The following ZNF33B variants were observed in gnomAD, a reference collection of about 807,000 sequenced individuals.
ZNF33B encodes the protein zinc finger protein 11b (KOX 2).
A neutral mutation model predicts 45.8 loss-of-function variants in ZNF33B; 29 were observed. That is an observed-to-expected ratio of 0.63 (90% confidence interval 0.47 to 0.86). ZNF33B has a LOEUF of 0.86. Among genes scored for constraint, ZNF33B ranks in the 40% least tolerant of loss-of-function variants. The probability of loss-of-function intolerance (pLI) is 0.00; values close to 1 mark genes in which losing one functional copy is unlikely to be tolerated. For missense variants in ZNF33B, 831 were observed against 909.9 expected, an observed-to-expected ratio of 0.91 and a Z score of 1.12; for synonymous variants, 305 against 307.8, an observed-to-expected ratio of 0.99 and a Z score of 0.10.
At position 42,591,221 on chromosome 10, in the gene ZNF33B, C is replaced by G. The variant is rs1479279121; in HGVS notation, c.*1392G>C. The G allele has an allele frequency of 1.6e-5, 14 of 894,670 alleles. No individual in the cohort carries two copies. The highest frequency in any genetic ancestry group is 1.5e-5 in the Non-Finnish European group (11 of 747,834). The allele number at this position is 894,670 out of a possible 1,614,324, so 55.4% of individuals were successfully genotyped here. A position where few individuals can be genotyped will look rare whatever the true frequency, so the allele number is the denominator to read the frequency against. On this transcript the variant is annotated 3_prime_UTR_variant, in exon 5 of 5. Transcript: ENST00000359467. Reference sequence around the variant, plus strand: ...ATGACAGTCCAACAGCCCTGGGCAGCAACTGGGCTGTATGTGTGGGCCTCT... The same window carrying G: ...ATGACAGTCCAACAGCCCTGGGCAGGAACTGGGCTGTATGTGTGGGCCTCT...
At chr10:42,618,132 G>C (rs1838407622) in intron 4 of ZNF33B, among the ~76,000 whole-genome samples, 1 of 152,124 alleles carries the variant, frequency 6.6e-6, no homozygotes. Context: ...TACCAGTTTT[G>C]ATACCTAAAC....
At chr10:42,635,223 AGAGT>A (rs1179156236) in intron 2 of ZNF33B, among the ~76,000 whole-genome samples, 1 of 151,270 alleles carries the variant, frequency 6.6e-6, no homozygotes, top group Non-Finnish European at 1.5e-5. Context: ...CCTGAGTGAC[AGAGT>A]GAGACATTCT....
intron 4 of ZNF33B, among the ~76,000 whole-genome samples, chr10:42,604,965 T>C (rs1837777460): frequency 6.8e-6 from 1 of 147,720 alleles, no homozygotes; most frequent in Non-Finnish European, 1.5e-5. Context: ...GCTGGCAAAA[T>C]AATCAGTAAA....
chr10:42,581,764 A>G (rs1836829836), intron 1 of ZNF33B: 1 of 152,196 alleles, frequency 6.6e-6, no homozygotes, highest in Non-Finnish European at 1.5e-5. Context: ...GTCTTTTAGG[A>G]TAGAATCCTT....
At position 42,635,553 on chromosome 10, in the gene ZNF33B, T is replaced by C. The variant is rs942014439; in HGVS notation, c.9+1367A>G. Among the ~76,000 whole-genome samples, 45 of 152,252 alleles carry C rather than the reference T, an allele frequency of 3.0e-4. 1 individual carries two copies. The highest frequency in any genetic ancestry group is 1.1e-3 in the African/African-American group (45 of 41,560). On this transcript the variant is annotated intron_variant, in intron 2 of 4. Coordinates refer to ENST00000359467, the MANE Select transcript of ZNF33B (RefSeq NM_006955.3). ...ATAAGATTCATTAAAAATTAAAATA[T>C]GTAATCCCAGCACTTTGGGAGGCCG...
chr10:42,626,137 T>C (rs752157900), intron 4 of ZNF33B, among the ~76,000 whole-genome samples: 11 of 152,386 alleles, frequency 7.2e-5, no homozygotes, highest in Non-Finnish European at 1.6e-4. Context: ...ACTGATGTTA[T>C]ATCATTTTTC....
rs192524478 is a variant in ZNF33B at position 42,602,870 on chromosome 10, C to T, written c.251-8171G>A. Among the ~76,000 whole-genome samples the T allele has an allele frequency of 1.4e-3, 214 of 150,096 alleles. 1 individual carries two copies. The highest frequency in any genetic ancestry group is 0.013 in the South Asian group (60 of 4,750). On this transcript the variant is annotated intron_variant, in intron 4 of 4. Coordinates refer to ENST00000359467, the MANE Select transcript of ZNF33B (RefSeq NM_006955.3). ...CCTCATATACATGAGCTGATTAGTA[C>T]TTTGCTGAACATTCATGGAGGCCCC...
intron 2 of ZNF33B, among the ~76,000 whole-genome samples, chr10:42,633,201 C>CA (rs1839133957): frequency 6.6e-6 from 1 of 152,116 alleles, no homozygotes; most frequent in Admixed American, 6.5e-5. Context: ...TCCTTTAATT[C>CA]AAAGACAATA....
At chr10:42,636,643 G>C (rs899445260) in intron 2 of ZNF33B, among the ~76,000 whole-genome samples, 4 of 152,170 alleles carry the variant, frequency 2.6e-5, no homozygotes, top group African/African-American at 9.7e-5. Flanking sequence ...GCAACACGGT[G>C]AACACATCTC....
At chr10:42,625,874 TCTTTC>T (rs1445201007) in intron 4 of ZNF33B, among the ~76,000 whole-genome samples, 1 of 152,256 alleles carries the variant, frequency 6.6e-6, no homozygotes, top group Non-Finnish European at 1.5e-5. Context: ...GTATGCCTTC[TCTTTC>T]ATTTTCTTGC....
At chr10:42,630,334 C>T (rs1185048494) in intron 4 of ZNF33B, among the ~76,000 whole-genome samples, 2 of 152,152 alleles carry the variant, frequency 1.3e-5, no homozygotes, top group African/African-American at 2.4e-5. Flanking sequence ...AGAAGAGAAA[C>T]CCACAGTCAT....
chr10:42,638,190 C>A (rs1010970798), intron 1 of ZNF33B, among the ~76,000 whole-genome samples: 1 of 152,262 alleles, frequency 6.6e-6, no homozygotes, highest in African/African-American at 2.4e-5. Flanking sequence ...CAGAGAACTG[C>A]CCCTCCCGCA....
At chr10:42,600,723 T>C (rs1057259919) in intron 4 of ZNF33B, among the ~76,000 whole-genome samples, 54 of 152,214 alleles carry the variant, frequency 3.5e-4, no homozygotes, top group African/African-American at 1.3e-3. Context: ...ACAGTATATA[T>C]ATGAATCTTC....
At chr10:42,602,094 T>A (rs555826604) in intron 4 of ZNF33B, among the ~76,000 whole-genome samples, 2 of 151,724 alleles carry the variant, frequency 1.3e-5, no homozygotes, top group Non-Finnish European at 2.9e-5. Flanking sequence ...AATTTTTTTG[T>A]TGTTTCATTT....
chr10:42,624,550 A>C (rs1399360425), intron 4 of ZNF33B, among the ~76,000 whole-genome samples: 3 of 152,188 alleles, frequency 2.0e-5, no homozygotes, highest in Admixed American at 2.0e-4. Flanking sequence ...CCTAAGATAA[A>C]GTTTAATTTA....
At chr10:42,589,032 G>A (rs377631543), downstream of ZNF33B, 28 of 210,240 alleles carry the variant, frequency 1.3e-4, no homozygotes, top group East Asian at 2.8e-3. Context: ...GTTCATTAAC[G>A]GTGATTTACA....
At position 42,590,990 on chromosome 10, in the gene ZNF33B, T is replaced by A. The variant is rs1837098245; in HGVS notation, c.*1623A>T. The A allele has an allele frequency of 5.9e-6, 1 of 170,752 alleles. No individual in the cohort carries two copies. The highest frequency in any genetic ancestry group is 2.4e-5 in the African/African-American group (1 of 41,846). The allele number at this position is 170,752 out of a possible 1,614,324, so 10.6% of individuals were successfully genotyped here. ...AGTTTTCCAAAGTGGAAGCTTAGAT[T>A]ACTTGTGTAATCTAGGGTCACCAGA... On this transcript the variant is annotated 3_prime_UTR_variant, in exon 5 of 5. Transcript: ENST00000359467.
intron 1 of ZNF33B, among the ~76,000 whole-genome samples, chr10:42,578,898 T>G (rs1406271209): frequency 1.3e-5 from 2 of 152,220 alleles, no homozygotes; most frequent in Non-Finnish European, 2.9e-5. Context: ...TGGCGGATTT[T>G]TTGTTGTTCC....
chr10:42,576,137 C>T (rs1254691979), intron 1 of ZNF33B, among the ~76,000 whole-genome samples: 3 of 151,962 alleles, frequency 2.0e-5, no homozygotes, highest in Admixed American at 6.6e-5. Context: ...GTGATCCGCC[C>T]GCCTTGGCCT....
Sources: gnomAD v4.1 joint callset for allele counts (sites outside exome capture counted in the v4.1 genomes callset) on GRCh38, gnomAD v4.1.1 for gene constraint, MANE v1.5 for transcripts, NCBI Gene and HGNC (gene_info 2026-07-23, HGNC 2026-07-21) for gene names.